The following WWOX variants were observed in gnomAD, a reference collection of about 807,000 sequenced individuals.
WWOX encodes the protein WW domain-containing oxidoreductase.
In WWOX, 69 loss-of-function variants were observed where a neutral mutation model predicts 46.2. That is an observed-to-expected ratio of 1.49 (90% CI 1.23 to 1.82). The LOEUF is 1.82. WWOX is among the 40% of genes most tolerant of loss of function. WWOX has a pLI of 0.00. For synonymous variants in WWOX, 359 were observed against 202.6 expected (o/e 1.77, Z -6.56); for missense variants, 919 against 542.6 (o/e 1.69, Z -6.89).
intron 8 of WWOX, among the ~76,000 whole-genome samples, chr16:79,028,887 C>G (rs1008369490): frequency 7.9e-6 from 1 of 126,422 alleles, no homozygotes; most frequent in African/African-American, 2.9e-5. Flanking sequence ...TCACAGTTTC[C>G]TGAACCACTA....
At chr16:78,798,377 C>G (rs901424302) in intron 8 of WWOX, among the ~76,000 whole-genome samples, 3 of 152,074 alleles carry the variant, frequency 2.0e-5, no homozygotes, top group Non-Finnish European at 2.9e-5. Context: ...AAGCTAATAA[C>G]ACAACCCAAG....
intron 8 of WWOX, among the ~76,000 whole-genome samples, chr16:78,543,818 G>A (rs79416276): frequency 8.5e-4 from 129 of 152,196 alleles, no homozygotes; most frequent in African/African-American, 2.9e-3. Context: ...TGCATCTCCC[G>A]CAGGGCCTGA....
intron 8 of WWOX, among the ~76,000 whole-genome samples, chr16:79,013,200 C>A (rs189142190): frequency 2.2e-4 from 34 of 152,288 alleles, no homozygotes; most frequent in Admixed American, 6.5e-4. Context: ...GGCTTTAGCT[C>A]ACTGTGCAGG....
chr16:78,868,774 C>G (rs1171269027), intron 8 of WWOX, among the ~76,000 whole-genome samples: 5 of 152,304 alleles, frequency 3.3e-5, no homozygotes, highest in East Asian at 1.9e-4. Flanking sequence ...TCACATGCCC[C>G]TAACCCTCAG....
chr16:78,705,102 G>C (rs748805354), intron 8 of WWOX, among the ~76,000 whole-genome samples: 4 of 151,978 alleles, frequency 2.6e-5, no homozygotes, highest in African/African-American at 4.8e-5. Context: ...TTCCTTTTTA[G>C]TGCCGCAGTG....
chr16:78,559,449 G>C (rs1374484096), intron 8 of WWOX, among the ~76,000 whole-genome samples: 1 of 152,108 alleles, frequency 6.6e-6, no homozygotes, highest in African/African-American at 2.4e-5. Context: ...ATGAGACTGG[G>C]AGAAAGAGAT....
At chr16:79,025,800 C>CCTTTTTTTT (rs1567495621) in intron 8 of WWOX, among the ~76,000 whole-genome samples, 3 of 31,508 alleles carry the variant, frequency 9.5e-5, no homozygotes, top group Non-Finnish European at 2.0e-4. Flanking sequence ...GCTTTGCTTG[C>CCTTTTTTTT]TTGCTTTTTT....
intron 8 of WWOX, among the ~76,000 whole-genome samples, chr16:78,533,477 C>G (rs1014231820): frequency 1.2e-4 from 18 of 151,836 alleles, no homozygotes; most frequent in Non-Finnish European, 2.2e-4. Flanking sequence ...TTGTGTTGGG[C>G]CAGATTCAAA....
chr16:78,651,283 C>T (rs1424162), intron 8 of WWOX, among the ~76,000 whole-genome samples: 66,484 of 152,190 alleles, frequency 0.44, 17,586 homozygotes, highest in Middle Eastern at 0.6. Context: ...CGAGTGAGTG[C>T]GAGCGAGAGA....
intron 5 of WWOX, among the ~76,000 whole-genome samples, chr16:78,382,597 C>G (rs908218987): frequency 6.6e-6 from 1 of 152,176 alleles, no homozygotes; most frequent in African/African-American, 2.4e-5. Flanking sequence ...CTCTGACGTA[C>G]TAAAGGGTTG....
chr16:78,101,034 TC>T (rs1489359328), intron 1 of WWOX, among the ~76,000 whole-genome samples: 1 of 151,496 alleles, frequency 6.6e-6, no homozygotes, highest in Non-Finnish European at 1.5e-5. Context: ...GGGCCCCACT[TC>T]CAGAGGGTTT....
rs186923509 is a variant in WWOX, at chr16:78,787,062, C to T, written c.1056+354310C>T. On this transcript the variant is annotated intron_variant, in intron 8 of 8. Transcript: ENST00000566780. ...ATTCAGGAGGCTGAGGCAGGAGAAT[C>T]GCTTGAACCTGGGAGGCGGAGGTTG... Among the ~76,000 whole-genome samples, 533 of 152,216 alleles carry T rather than the reference C, an allele frequency of 3.5e-3. 3 individuals are homozygous for T. Among genetic ancestry groups the T allele is most frequent in the African/African-American group, 0.012 (502 of 41,550 alleles).
chr16:78,298,425 A>G (rs1296598448), intron 5 of WWOX, among the ~76,000 whole-genome samples: 2 of 152,024 alleles, frequency 1.3e-5, no homozygotes, highest in African/African-American at 4.8e-5. Flanking sequence ...CTGCCCCTCA[A>G]TGCCTGTGTG....
chr16:78,780,027 C>T (rs1006815255), intron 8 of WWOX, among the ~76,000 whole-genome samples: 2 of 152,164 alleles, frequency 1.3e-5, no homozygotes, highest in Non-Finnish European at 2.9e-5. Flanking sequence ...AATGGCAGTA[C>T]CCAGTAGAAG....
intron 8 of WWOX, among the ~76,000 whole-genome samples, chr16:78,857,939 C>T (rs1303314029): frequency 6.6e-6 from 1 of 152,146 alleles, no homozygotes; most frequent in Non-Finnish European, 1.5e-5. Context: ...TGTGCCAGGA[C>T]ACCCAATTAG....
intron 8 of WWOX, among the ~76,000 whole-genome samples, chr16:78,699,291 T>C (rs2048163278): frequency 6.6e-6 from 1 of 152,088 alleles, no homozygotes; most frequent in South Asian, 2.1e-4. Context: ...CCTAGCACTT[T>C]TGGAGGCTTA....
chr16:78,764,999 G>T (rs765021990), intron 8 of WWOX, among the ~76,000 whole-genome samples: 2 of 152,174 alleles, frequency 1.3e-5, no homozygotes, highest in African/African-American at 4.8e-5. Flanking sequence ...ATGGTTGAGG[G>T]ATGCAGGAAG....
intron 8 of WWOX, among the ~76,000 whole-genome samples, chr16:79,177,853 A>G (rs1468068940): frequency 2.6e-5 from 4 of 152,240 alleles, no homozygotes; most frequent in Admixed American, 1.3e-4. Context: ...TCAGGCTGCT[A>G]TAACAGATAC....
chr16:78,104,179 G>A (rs1208091226), intron 1 of WWOX, among the ~76,000 whole-genome samples: 1 of 150,256 alleles, frequency 6.7e-6, no homozygotes, highest in Non-Finnish European at 1.5e-5. Context: ...CACAGGGCTG[G>A]CTGTCCTCAC....
Sources: gnomAD v4.1 joint callset for allele counts (sites outside exome capture counted in the v4.1 genomes callset) on GRCh38, gnomAD v4.1.1 for gene constraint, MANE v1.5 for transcripts, NCBI Gene and HGNC (gene_info 2026-07-23, HGNC 2026-07-21) for gene names.